TMEM39A: variants seen among roughly 807,000 people sequenced by gnomAD.
TMEM39A encodes the protein transmembrane protein 39A, also known as suppressor of SQST-1 aggregates in rpl-43 mutants.
In TMEM39A, 19 loss-of-function variants were observed where a neutral mutation model predicts 51.9. That is an observed-to-expected ratio of 0.37 (90% CI 0.26 to 0.54). The LOEUF is 0.54. TMEM39A is among the 20% of genes least tolerant of loss of function. The pLI is 0.88. For synonymous variants in TMEM39A, 197 were observed against 220.2 expected (o/e 0.89, Z 0.93); for missense variants, 433 against 590.5 (o/e 0.73, Z 2.76).
chr3:119,459,572 C>T (rs1560022098), intron 2 of TMEM39A, among the ~76,000 whole-genome samples: 1 of 152,202 alleles, frequency 6.6e-6, no homozygotes, highest in Non-Finnish European at 1.5e-5. Context: ...TCCAGAAATA[C>T]ACAATATATC....
intron 5 of TMEM39A, among the ~76,000 whole-genome samples, chr3:119,443,938 G>C (rs964399984): frequency 7.5e-6 from 1 of 134,140 alleles, no homozygotes; most frequent in East Asian, 2.4e-4. Flanking sequence ...AAATAAAATA[G>C]ACTACAGTAT....
intron 7 of TMEM39A, chr3:119,435,288 G>T: frequency 1.0e-6 from 1 of 985,380 alleles, no homozygotes. Context: ...GAATAGTGGA[G>T]AAATTAGCAC....
In TMEM39A at chr3:119,431,994, A is replaced by G; in HGVS notation, c.1454T>C (p.Leu485Pro). ...AYSYPLNSYELKAN is the reference protein window; with the variant it reads ...AYSYPLNSYEPKAN ...TTGAGAGGCAGCTTAGTTTGCCTTG[A>G]GTTCATAACTGTTGAGTGGGTAGGA... Residue 485 changes from leucine (L) to proline (P), a missense_variant, in exon 9 of 9, where the codon CTC (leucine) becomes CCC (proline). Coordinates refer to ENST00000319172, the MANE Select transcript of TMEM39A (RefSeq NM_018266.3). 6 of 1,592,126 alleles carry G rather than the reference A, an allele frequency of 3.8e-6. No homozygotes were observed. Among genetic ancestry groups the G allele is most frequent in the Non-Finnish European group, 5.1e-6 (6 of 1,166,890 alleles).
intron 2 of TMEM39A, among the ~76,000 whole-genome samples, chr3:119,459,234 G>A (rs1476923769): frequency 1.3e-5 from 2 of 152,190 alleles, no homozygotes; most frequent in African/African-American, 4.8e-5. Flanking sequence ...GTGGCTCACT[G>A]TGCCTAAACT....
chr3:119,457,947 C>A, intron 3 of TMEM39A, 71 bp downstream of exon 3: 1 of 1,170,246 alleles, frequency 8.5e-7, no homozygotes, highest in Non-Finnish European at 1.2e-6. Flanking sequence ...AAAACAATTT[C>A]TACAGAAAGG....
chr3:119,459,554 C>A (rs1209867456), intron 2 of TMEM39A, among the ~76,000 whole-genome samples: 1 of 152,224 alleles, frequency 6.6e-6, no homozygotes, highest in African/African-American at 2.4e-5. Context: ...CAGGAACTCT[C>A]TAAGAAATCC....
intron 3 of TMEM39A, among the ~76,000 whole-genome samples, chr3:119,456,382 G>C (rs1226808204): frequency 6.6e-6 from 1 of 152,150 alleles, no homozygotes; most frequent in Non-Finnish European, 1.5e-5. Context: ...TAAGTAGACA[G>C]GAGGTCAATA....
In TMEM39A at chr3:119,429,460, C is replaced by CCACAAACAATTTTAACCACAAA. The variant is rs1263382967; in HGVS notation, c.*2520_*2521insTTTGTGGTTAAAATTGTTTGTG. On this transcript the variant is annotated 3_prime_UTR_variant, in exon 9 of 9. Coordinates refer to ENST00000319172, the MANE Select transcript of TMEM39A (RefSeq NM_018266.3). ...TTCACCCAACTGAACTTTTGCTATA[C>CCACAAACAATTTTAACCACAAA]CATGCTTTCCACAAACAATTTTAAC... 6.6e-6 allele frequency: 1 copy of CCACAAACAATTTTAACCACAAA among 151,980 alleles called. No homozygotes were observed. The highest frequency in any genetic ancestry group is 6.6e-5 in the Admixed American group (1 of 15,242). The allele number at this position is 151,980 out of a possible 1,614,324, so 9.4% of individuals were successfully genotyped here.
chr3:119,441,608 A>C (rs1177317636), intron 5 of TMEM39A, among the ~76,000 whole-genome samples: 1 of 152,254 alleles, frequency 6.6e-6, no homozygotes, highest in Non-Finnish European at 1.5e-5. Context: ...GTCCCATAAC[A>C]TAAAAGCACA....
rs1269285308 is a variant in TMEM39A, at chr3:119,430,922, T to G, written c.*1059A>C. ...AGGTCTCATAAGTTTAGATGACAAG[T>G]GACAACATCAATGGACTAAGTATAT... On this transcript the variant is annotated 3_prime_UTR_variant, in exon 9 of 9. Transcript: ENST00000319172. 1 of 152,148 alleles carries G rather than the reference T, an allele frequency of 6.6e-6. No individual in the cohort carries two copies. The highest frequency in any genetic ancestry group is 2.4e-5 in the African/African-American group (1 of 41,440). The allele number at this position is 152,148 out of a possible 1,614,324, so 9.4% of individuals were successfully genotyped here.
chr3:119,452,567 A>C, intron 3 of TMEM39A, 37 bp from the exon 4 acceptor site: 1 of 1,516,568 alleles, frequency 6.6e-7, no homozygotes, highest in Non-Finnish European at 9.1e-7. Context: ...AGAAAGAAAT[A>C]TGATGTGTAT....
chr3:119,436,870 A>G lies in TMEM39A; in HGVS notation c.1033T>C (p.Leu345=), dbSNP rs1391734858. 1.2e-5 allele frequency: 20 copies of G among 1,614,102 alleles called. No homozygotes were observed. Among genetic ancestry groups the G allele is most frequent in the Non-Finnish European group, 1.4e-5 (17 of 1,179,966 alleles). Reference sequence around the variant, plus strand: ...AGGTGAGCAGCTGATTTATGTAGCAAATCACAGTATTTGGATGGCAACAGT... The same window carrying G: ...AGGTGAGCAGCTGATTTATGTAGCAGATCACAGTATTTGGATGGCAACAGT... The part of the protein sequence containing the change: ...TQLLPSKYCD[L]LHKSAAHLGK... Residue 345 remains leucine, a synonymous_variant, in exon 7 of 9, where the codon TTG becomes CTG. Transcript: ENST00000319172.
chr3:119,454,239 G>A (rs2081236606), intron 3 of TMEM39A, among the ~76,000 whole-genome samples: 1 of 152,170 alleles, frequency 6.6e-6, no homozygotes, highest in Non-Finnish European at 1.5e-5. Context: ...CAATGGAGAT[G>A]GAATTAAGTG....
intron 2 of TMEM39A, 60 bp downstream of exon 2, chr3:119,461,902 T>C (rs1292104494): frequency 1.5e-6 from 2 of 1,298,710 alleles, no homozygotes; most frequent in Non-Finnish European, 2.2e-6. Context: ...TGATGACTTT[T>C]ATGTTAGTCT....
rs185594269 is a variant in TMEM39A at position 119,434,630 on chromosome 3, C to T, written c.1233+132G>A. ...TTCCAAAGTACAGGGACCACTGTTA[C>T]GCTAGTAGCAATAATTACCATGTAA... On this transcript the variant is annotated intron_variant, in intron 8 of 8. Coordinates refer to ENST00000319172, the MANE Select transcript of TMEM39A (RefSeq NM_018266.3). 3.9e-4 allele frequency: 513 copies of T among 1,330,380 alleles called. 1 individual carries two copies. The African/African-American group carries it at 6.1e-3, about 16-fold the overall frequency. 82.4% of individuals were successfully genotyped at this position (1,330,380 alleles called of 1,614,324 possible).
intron 5 of TMEM39A, among the ~76,000 whole-genome samples, chr3:119,443,108 T>C (rs1377983844): frequency 6.7e-6 from 1 of 149,418 alleles, no homozygotes; most frequent in African/African-American, 2.5e-5. Flanking sequence ...AAGATGTGGC[T>C]GCACTCTCTC....
At chr3:119,461,163 G>T (rs1214179320) in intron 2 of TMEM39A, among the ~76,000 whole-genome samples, 1 of 152,120 alleles carries the variant, frequency 6.6e-6, no homozygotes, top group African/African-American at 2.4e-5. Context: ...ACAAAACTCG[G>T]ATTAAAAATT....
In TMEM39A at chr3:119,451,739, A is replaced by G. The variant is rs984416108; in HGVS notation, c.420+708T>C. On this transcript the variant is annotated intron_variant, in intron 4 of 8. Transcript: ENST00000319172. ...CAGCTACTTGGGAGGCTGAGGCAGG[A>G]AAATCGCTTGTACCCAGGAGACAGA... Among the ~76,000 whole-genome samples the G allele has an allele frequency of 3.3e-5, 5 of 151,638 alleles. No individual in the cohort carries two copies. The East Asian group carries it at 9.8e-4, about 30-fold the overall frequency.
chr3:119,436,021 A>AC (rs1190639181), intron 7 of TMEM39A: 12 of 933,066 alleles, frequency 1.3e-5, no homozygotes, highest in African/African-American at 1.7e-5. Flanking sequence ...TGTCCCACTT[A>AC]ACTAGGGAAA....
Sources: allele counts gnomAD v4.1 joint callset (sites outside exome capture counted in the v4.1 genomes callset), GRCh38; gene constraint gnomAD v4.1.1; transcripts MANE v1.5; gene names NCBI Gene and HGNC (gene_info 2026-07-23, HGNC 2026-07-21).